The following MRM3 variants were observed in gnomAD, a reference collection of about 807,000 sequenced individuals.
MRM3 encodes mitochondrial rRNA methyltransferase 3, also known as rRNA methyltransferase 3, mitochondrial.
A neutral mutation model predicts 29.4 loss-of-function variants in MRM3; 26 were observed. The ratio of observed to expected loss-of-function variants is 0.89; its 90% CI spans 0.65 to 1.23. The LOEUF (loss-of-function observed/expected upper bound fraction) is 1.23, where lower values mean the gene tolerates loss of function less well. MRM3 is among the 50% of genes most tolerant of loss of function. The pLI, the probability that MRM3 is intolerant of heterozygous loss-of-function variation, is 0.00. For synonymous variants in MRM3, 225 were observed against 219.0 expected, an observed-to-expected ratio of 1.03 and a Z score of -0.24; for missense variants, 578 against 540.2, an observed-to-expected ratio of 1.07 and a Z score of -0.69.
At chr17:786,535 A>G (rs1910543074) in intron 2 of MRM3, among the ~76,000 whole-genome samples, 1 of 151,986 alleles carries the variant, frequency 6.6e-6, no homozygotes, top group Non-Finnish European at 1.5e-5. Flanking sequence ...TCAGCCTCCC[A>G]ACATGCTGGG....
At chr17:788,283 C>T (rs1570000) in intron 3 of MRM3, 151 bp downstream of exon 3, 573,905 of 692,908 alleles carry the variant, frequency 0.83, 238,513 homozygotes, top group African/African-American at 0.88. Context: ...CTACAATTAG[C>T]TGGGTGTGGT....
rs1910585035 is a variant in MRM3, at chr17:787,430, A to G, written c.560-535A>G. Reference sequence around the variant, plus strand: ...TGTGCATATATATAGGTAGATGCATAGAACAAGTTCTAAAAGGATACACTC... The same window carrying G: ...TGTGCATATATATAGGTAGATGCATGGAACAAGTTCTAAAAGGATACACTC... On this transcript the variant is annotated intron_variant, in intron 2 of 3. Transcript: ENST00000304478. This position sits in a 1 kb window ranked among gnomAD's most constrained non-coding sequence, Gnocchi z 4.1. Among the ~76,000 whole-genome samples, 1 of 152,248 alleles carries G rather than the reference A, an allele frequency of 6.6e-6. No homozygotes were observed. The highest frequency in any genetic ancestry group is 6.5e-5 in the Admixed American group (1 of 15,280).
chr17:782,455 C>G lies in MRM3; in HGVS notation c.77C>G (p.Ala26Gly). ...GTGGTCCAGGCTTGGGACCTTGACG[C>G]GAGGCGCTGGGTCCGGGCGCTGCGG... ...LQVVQAWDLD[A>G]RRWVRALRRS... Residue 26 changes from alanine (A) to glycine (G), a missense_variant, in exon 1 of 4, where the codon GCG becomes GGG. By Grantham distance (60) the Ala-to-Gly change is moderately conservative (BLOSUM62 0). Transcript: ENST00000304478. 2 of 1,613,892 alleles carry G rather than the reference C, an allele frequency of 1.2e-6. No homozygotes were observed. Among genetic ancestry groups the G allele is most frequent in the Non-Finnish European group, 1.7e-6 (2 of 1,179,916 alleles).
Position 782,400 on chromosome 17 carries a change from G to T in MRM3, c.22G>T (p.Ala8Ser), listed in dbSNP as rs2273454. MAALVRPARFVVRPLLQV... is the reference protein window; with the variant it reads MAALVRPSRFVVRPLLQV... ...GAACATGGCGGCGCTGGTGAGACCC[G>T]CGAGGTTTGTCGTGCGACCGTTGCT... is the stretch of plus-strand genomic sequence containing the variant. The change falls in exon 1 of 4, where the codon GCG becomes TCG. Residue 8 changes from alanine to serine, a missense_variant. Ala to Ser is a moderately conservative substitution (Grantham distance 99). Transcript: ENST00000304478. The T allele has an allele frequency of 0.22, 347,002 of 1,613,292 alleles. 40,149 individuals carry two copies. Among genetic ancestry groups the T allele is most frequent in the East Asian group, 0.39 (17,665 of 44,826 alleles).
rs967048574 is a variant in MRM3, at chr17:783,332, G to C, written c.559+5G>C. The C allele has an allele frequency of 6.3e-6, 10 of 1,577,512 alleles. No individual in the cohort carries two copies. The highest frequency in any genetic ancestry group is 8.6e-6 in the Non-Finnish European group (10 of 1,161,454). Reference sequence around the variant, plus strand: ...TAACGCCACAAGGAATAATGGGTTAGTGATTACCCAGTGTATCTTTTTTTT... The same window carrying C: ...TAACGCCACAAGGAATAATGGGTTACTGATTACCCAGTGTATCTTTTTTTT... On this transcript the variant is annotated splice_donor_5th_base_variant and intron_variant, in intron 2 of 3. Transcript: ENST00000304478.
intron 3 of MRM3, among the ~76,000 whole-genome samples, chr17:790,756 C>T (rs1201003555): frequency 1.1e-5 from 1 of 87,570 alleles, no homozygotes; most frequent in East Asian, 3.0e-4. Context: ...CACACCCCCA[C>T]CGGCTGATTG....
In MRM3 at chr17:791,723, G is replaced by T; in HGVS notation, c.917G>T (p.Gly306Val). ...ATGTCTAATAAAGCTAGTGACCATG[G>T]CTGGGTGTGTGATCAACGAGTGATG... The part of the protein sequence containing the change: ...AEMSNKASDH[G>V]WVCDQRVMKF... The change falls in exon 4 of 4, where the codon GGC becomes GTC. Residue 306 changes from glycine (G) to valine (V), a missense_variant. Coordinates refer to ENST00000304478, the MANE Select transcript of MRM3 (RefSeq NM_018146.4). 3 of 1,614,228 alleles carry T rather than the reference G, an allele frequency of 1.9e-6. No individual in the cohort carries two copies. Among genetic ancestry groups the T allele is most frequent in the Non-Finnish European group, 2.5e-6 (3 of 1,180,048 alleles).
At chr17:789,595 C>A (rs1459233926) in intron 3 of MRM3, 2 of 152,152 alleles carry the variant, frequency 1.3e-5, no homozygotes, top group Non-Finnish European at 2.9e-5. Context: ...ATAGTGGCAC[C>A]CGTTGTTGAG....
chr17:786,980 CA>C (rs1910563531), intron 2 of MRM3, among the ~76,000 whole-genome samples: 1 of 152,082 alleles, frequency 6.6e-6, no homozygotes, highest in African/African-American at 2.4e-5. Flanking sequence ...TGGTGGCTCA[CA>C]ACTGTAATCC....
intron 2 of MRM3, among the ~76,000 whole-genome samples, chr17:784,872 C>T (rs1447858913): frequency 6.6e-6 from 1 of 151,520 alleles, no homozygotes; most frequent in Non-Finnish European, 1.5e-5. Context: ...AGTGGAGGCT[C>T]TCTCACAGCA....
chr17:783,233 G>A lies in MRM3; in HGVS notation c.465G>A (p.Leu155=). The stretch of plus-strand genomic sequence containing the variant: ...GCCGTCTAGAATACCTAAAGGAGTT[G>A]CCAGTCGATAAGCTGAAAGGTGTCA... The part of the protein sequence containing the change: ...FFSRLEYLKE[L]PVDKLKGVSL... The change falls in exon 2 of 4, where the codon TTG becomes TTA. Residue 155 remains leucine, a synonymous_variant. Transcript: ENST00000304478. 1 of 1,614,102 alleles carries A rather than the reference G, an allele frequency of 6.2e-7. No individual in the cohort carries two copies. The highest frequency in any genetic ancestry group is 8.5e-7 in the Non-Finnish European group (1 of 1,180,004).
Position 791,760 on chromosome 17 carries a change from G to A in MRM3, c.954G>A (p.Lys318=). The stretch of plus-strand genomic sequence containing the variant: ...ATCAACGAGTGATGAAGTTTCACAA[G>A]TATGAGGAAGAGGAAGATGTAGAAA... The part of the protein sequence containing the change: ...VCDQRVMKFH[K]YEEEEDVETG... Residue 318 remains lysine (K), a synonymous_variant, in exon 4 of 4, where the codon AAG becomes AAA. Coordinates refer to ENST00000304478, the MANE Select transcript of MRM3 (RefSeq NM_018146.4). 2 of 1,614,210 alleles carry A rather than the reference G, an allele frequency of 1.2e-6. No individual in the cohort carries two copies. Among genetic ancestry groups the A allele is most frequent in the Non-Finnish European group, 1.7e-6 (2 of 1,180,050 alleles).
Position 788,133 on chromosome 17 carries a change from GT to G in MRM3, c.727+2del, listed in dbSNP as rs1393541964. 6.2e-7 allele frequency: 1 copy of G among 1,614,016 alleles called. No homozygotes were observed. The highest frequency in any genetic ancestry group is 2.2e-5 in the East Asian group (1 of 44,882). On this transcript the variant is annotated splice_donor_variant, in intron 3 of 3. Transcript: ENST00000304478. LOFTEE classifies it high-confidence loss of function. ...TGCAGCAAAGTGTTACTCACCAAAGGTAAGGACATCAAAGGCCAGGCATAGT... is the reference window on the plus strand; with the variant it reads ...TGCAGCAAAGTGTTACTCACCAAAGGAAGGACATCAAAGGCCAGGCATAGT...
Position 782,675 on chromosome 17 carries a change from C to G in MRM3, c.297C>G (p.Pro99=), listed in dbSNP as rs140228913. The G allele has an allele frequency of 1.9e-6, 3 of 1,604,710 alleles. No homozygotes were observed. In the Admixed American group the frequency reaches 5.0e-5, roughly 27 times the overall value. The part of the protein sequence containing the change: ...ESGLRYDKAY[P]GDRRLSSVMT... ...GGCTTCGCTACGATAAAGCTTATCC[C>G]GGGGACAGGAGGCTGAGGTGATGTG... The change falls in exon 1 of 4, where the codon CCC becomes CCG. Residue 99 remains proline (P), a synonymous_variant. Transcript: ENST00000304478.
chr17:788,940 A>C (rs758497435), intron 3 of MRM3, among the ~76,000 whole-genome samples: 10 of 152,216 alleles, frequency 6.6e-5, no homozygotes, highest in Non-Finnish European at 1.5e-4. Flanking sequence ...AAGTTACTTC[A>C]TACCTTACCT....
rs777604700 is a variant in MRM3, at chr17:791,833, G to C, written c.1027G>C (p.Asp343His). The change falls in exon 4 of 4, where the codon GAC (aspartate) becomes CAC (histidine). Residue 343 changes from aspartate (D) to histidine (H), a missense_variant. By Grantham distance (81) the Asp-to-His change is moderately conservative. Transcript: ENST00000304478. ...WLPHVEVQSYDSDWTEAPAAV... is the reference protein window; with the variant it reads ...WLPHVEVQSYHSDWTEAPAAV... ...GCCTCATGTTGAGGTTCAGAGTTAC[G>C]ACTCGGACTGGACAGAGGCGCCGGC... The C allele has an allele frequency of 6.2e-7, 1 of 1,614,146 alleles. No individual in the cohort carries two copies. The highest frequency in any genetic ancestry group is 1.1e-5 in the South Asian group (1 of 91,086).
Position 792,047 on chromosome 17 carries a change from G to GC in MRM3, c.1242dup (p.Arg415GlnfsTer12). The GC allele has an allele frequency of 6.2e-7, 1 of 1,608,792 alleles. No individual in the cohort carries two copies. The highest frequency in any genetic ancestry group is 1.1e-5 in the South Asian group (1 of 90,272). On this transcript the variant is annotated frameshift_variant, in exon 4 of 4. Transcript: ENST00000304478. LOFTEE classifies it high-confidence loss of function. ...CTGCGGGGGAGGGCGGAGGACTTGA[G>GC]CAGGGACAGGAGTTACCACTGAGGA...
Position 791,633 on chromosome 17 carries a change from A to G in MRM3, c.827A>G (p.Asn276Ser), listed in dbSNP as rs369503823. 1.9e-6 allele frequency: 3 copies of G among 1,614,110 alleles called. No individual in the cohort carries two copies. The highest frequency in any genetic ancestry group is 1.7e-5 in the Admixed American group (1 of 59,998). ...AATCTGGAATGGGAAACCGTGCCCA[A>G]TTACCTGCCCCCTGACACTCGGGTC... ...INNLEWETVP[N>S]YLPPDTRVYV... The change falls in exon 4 of 4, where the codon AAT becomes AGT. Residue 276 changes from asparagine to serine, a missense_variant. Coordinates refer to ENST00000304478, the MANE Select transcript of MRM3 (RefSeq NM_018146.4).
intron 2 of MRM3, among the ~76,000 whole-genome samples, chr17:785,276 C>A (rs764134321): frequency 2.6e-5 from 4 of 152,134 alleles, no homozygotes; most frequent in Non-Finnish European, 4.4e-5. Context: ...TTCATCTATA[C>A]CACAGCAATT....
Sources: gnomAD v4.1 joint callset for allele counts (sites outside exome capture counted in the v4.1 genomes callset) on GRCh38, gnomAD v4.1.1 for gene constraint, Gnocchi (gnomAD v3.1) non-coding constraint, MANE v1.5 for transcripts, NCBI Gene and HGNC (gene_info 2026-07-23, HGNC 2026-07-21) for gene names.